CD109: variants seen among roughly 807,000 people sequenced by gnomAD.
CD109 encodes the protein CD109 antigen.
CD109 carries 149 observed loss-of-function variants against 165.8 expected under a neutral mutation model. The ratio of observed to expected loss-of-function variants is 0.90; its 90% CI spans 0.79 to 1.03. The LOEUF (loss-of-function observed/expected upper bound fraction) is 1.03. CD109 is among the 50% of genes least tolerant of loss of function. The probability of loss-of-function intolerance (pLI) is 0.00; values close to 1 mark genes in which losing one functional copy is unlikely to be tolerated. For missense variants in CD109, 1,712 were observed against 1,677.8 expected, an observed-to-expected ratio of 1.02 and a Z score of -0.36; for synonymous variants, 585 against 592.1, an observed-to-expected ratio of 0.99 and a Z score of 0.18.
Position 73,791,192 on chromosome 6 carries a change from C to CATAT in CD109, c.2702-1408_2702-1405dup, listed in dbSNP as rs58117133. 6.5e-4 allele frequency among the ~76,000 whole-genome samples: 45 copies of CATAT among 69,212 alleles called. 1 individual carries two copies. Among genetic ancestry groups the CATAT allele is most frequent in the African/African-American group, 2.4e-3 (35 of 14,364 alleles). The allele number at this position is 69,212 out of a possible 152,430, so 45.4% of individuals were successfully genotyped here. A position where few individuals can be genotyped will look rare whatever the true frequency, so the allele number is the denominator to read the frequency against. On this transcript the variant is annotated intron_variant, in intron 22 of 32. Coordinates refer to ENST00000287097, the MANE Select transcript of CD109 (RefSeq NM_133493.5). ...ATATATATATACACACACACACATA[C>CATAT]ATATATATATATATATATATATATA...
In CD109 at chr6:73,776,984, ATTT is replaced by A. The variant is rs36173181; in HGVS notation, c.1828-3422_1828-3420del. Among the ~76,000 whole-genome samples the A allele has an allele frequency of 1.3e-3, 135 of 102,884 alleles. 1 individual carries two copies. The highest frequency in any genetic ancestry group is 5.5e-3 in the Middle Eastern group (1 of 182). The allele number at this position is 102,884 out of a possible 152,430, so 67.5% of individuals were successfully genotyped here. Reference sequence around the variant, plus strand: ...AAGTGTCTGTTCATATCCTTTGCCCATTTTTTTTTTTTTTTTTTTTGAGATGGA... The same window carrying A: ...AAGTGTCTGTTCATATCCTTTGCCCATTTTTTTTTTTTTTTTTGAGATGGA... On this transcript the variant is annotated intron_variant, in intron 15 of 32. Coordinates refer to ENST00000287097, the MANE Select transcript of CD109 (RefSeq NM_133493.5).
At chr6:73,731,983 T>A (rs1272127747) in intron 4 of CD109, among the ~76,000 whole-genome samples, 4 of 152,216 alleles carry the variant, frequency 2.6e-5, no homozygotes, top group Non-Finnish European at 4.4e-5. Context: ...GTTAGCACAC[T>A]GAGTGCTTTC....
upstream of CD109, among the ~76,000 whole-genome samples, chr6:73,693,575 G>C (rs1159100433): frequency 1.3e-5 from 2 of 152,192 alleles, no homozygotes; most frequent in Non-Finnish European, 2.9e-5. Context: ...TTTTGAGACA[G>C]AGTCTTGCTC....
At chr6:73,697,058 A>G (rs1284517788) in intron 1 of CD109, among the ~76,000 whole-genome samples, 1 of 152,276 alleles carries the variant, frequency 6.6e-6, no homozygotes, top group Middle Eastern at 3.2e-3. Context: ...GGAGAAGCTT[A>G]GAGACTTTTG....
At chr6:73,686,554 G>T in the CD109 span, among the ~76,000 whole-genome samples, 1 of 152,230 alleles carries the variant, frequency 6.6e-6, no homozygotes, top group South Asian at 2.1e-4. Flanking sequence ...CTCCCTTTGT[G>T]ATATTAGCAG....
intron 2 of CD109, among the ~76,000 whole-genome samples, chr6:73,709,167 T>G (rs1771426107): frequency 6.6e-6 from 1 of 152,196 alleles, no homozygotes; most frequent in Non-Finnish European, 1.5e-5. Context: ...CATCTTGAAT[T>G]AATTTTTGTA....
chr6:73,767,107 C>A, intron 13 of CD109, 97 bp downstream of exon 13: 1 of 959,708 alleles, frequency 1.0e-6, no homozygotes. Flanking sequence ...TGTTATATAG[C>A]TAAACTCATG....
chr6:73,704,329 C>G (rs188420370), intron 2 of CD109, among the ~76,000 whole-genome samples: 60 of 152,294 alleles, frequency 3.9e-4, no homozygotes, highest in African/African-American at 1.4e-3. Context: ...GAGTAGCATG[C>G]CCCTGCAAGC....
At chr6:73,769,965 C>T (rs1256469123) in intron 14 of CD109, among the ~76,000 whole-genome samples, 1 of 152,200 alleles carries the variant, frequency 6.6e-6, no homozygotes, top group African/African-American at 2.4e-5. Context: ...AGATGATAAA[C>T]TCAACTCTGC....
intron 30 of CD109, among the ~76,000 whole-genome samples, chr6:73,817,104 G>A (rs1289969017): frequency 1.3e-5 from 2 of 152,136 alleles, no homozygotes; most frequent in Non-Finnish European, 2.9e-5. Context: ...TATTTTTTCA[G>A]CAGCACATTA....
At position 73,765,618 on chromosome 6, in the gene CD109, A is replaced by C. The variant is rs558263055; in HGVS notation, c.1108-312A>C. Among the ~76,000 whole-genome samples the C allele has an allele frequency of 4.6e-5, 7 of 152,266 alleles. No homozygotes were observed. In the South Asian group the frequency reaches 1.5e-3, roughly 32 times the overall value. On this transcript the variant is annotated intron_variant, in intron 10 of 32. Transcript: ENST00000287097. ...TGAGACCTTGGAGGAAGGGAGAAGA[A>C]CAGATGTCCAAAATTCCCACATTTA...
intron 23 of CD109, among the ~76,000 whole-genome samples, chr6:73,800,885 T>C (rs928855453): frequency 2.1e-4 from 32 of 152,206 alleles, no homozygotes; most frequent in African/African-American, 7.5e-4. Flanking sequence ...TTTATCCATC[T>C]TATATGTTGC....
chr6:73,784,872 C>T (rs955774719), intron 19 of CD109, among the ~76,000 whole-genome samples: 2 of 152,182 alleles, frequency 1.3e-5, no homozygotes, highest in African/African-American at 2.4e-5. Context: ...AGATGTCCCA[C>T]ACTAGAACAG....
chr6:73,774,414 A>G (rs7771585), intron 15 of CD109, among the ~76,000 whole-genome samples: 60,179 of 151,658 alleles, frequency 0.4, 12,283 homozygotes, highest in African/African-American at 0.5. Context: ...TCAGTGTTTC[A>G]CTCTTAAACC....
upstream of CD109, chr6:73,696,178 C>G (rs576353076): frequency 2.2e-5 from 34 of 1,537,526 alleles, 1 homozygote; most frequent in South Asian, 3.7e-4. Context: ...CGCGAACTTC[C>G]CCGGCAGCGG....
At chr6:73,809,942 T>C in intron 26 of CD109, 42 bp from the exon 27 acceptor site, 1 of 1,504,470 alleles carries the variant, frequency 6.6e-7, no homozygotes, top group South Asian at 1.2e-5. Flanking sequence ...AATGTAATTT[T>C]TCTGGATAAT....
chr6:73,780,666 TA>T (rs1224202121), intron 16 of CD109, among the ~76,000 whole-genome samples, 168 bp downstream of exon 16: 1 of 151,460 alleles, frequency 6.6e-6, no homozygotes, highest in Non-Finnish European at 1.5e-5. Flanking sequence ...TTTCCAGTTT[TA>T]AAAGCAAATG....
chr6:73,690,272 G>A, the CD109 span, among the ~76,000 whole-genome samples: 18 of 151,908 alleles, frequency 1.2e-4, no homozygotes, highest in Non-Finnish European at 2.2e-4. Flanking sequence ...ATTTCACTTC[G>A]TTGCTAAATA....
intron 5 of CD109, among the ~76,000 whole-genome samples, chr6:73,749,681 A>G (rs1355593108): frequency 6.6e-6 from 1 of 152,244 alleles, no homozygotes; most frequent in African/African-American, 2.4e-5. Flanking sequence ...TGGGTCTCTC[A>G]AATTATAAAA....
Sources: allele counts gnomAD v4.1 joint callset (sites outside exome capture counted in the v4.1 genomes callset), GRCh38; gene constraint gnomAD v4.1.1; transcripts MANE v1.5; gene names NCBI Gene and HGNC (gene_info 2026-07-23, HGNC 2026-07-21).